The following CACNA2D3 variants were observed in gnomAD, a reference collection of about 807,000 sequenced individuals.
The protein encoded by CACNA2D3 is calcium voltage-gated channel auxiliary subunit alpha2delta 3.
In CACNA2D3, 60 loss-of-function variants were observed where a neutral mutation model predicts 160.6. The ratio of observed to expected loss-of-function variants is 0.37; its 90% CI spans 0.30 to 0.46. CACNA2D3 has a LOEUF of 0.46. CACNA2D3 is among the 20% of genes least tolerant of loss of function. CACNA2D3 has a pLI of 1.00. For synonymous variants in CACNA2D3, 558 were observed against 492.9 expected, an observed-to-expected ratio of 1.13 and a Z score of -1.75; for missense variants, 1,205 against 1,365.0, an observed-to-expected ratio of 0.88 and a Z score of 1.85.
At chr3:54,448,320 G>A (rs567322048) in intron 4 of CACNA2D3, among the ~76,000 whole-genome samples, 11 of 152,298 alleles carry the variant, frequency 7.2e-5, no homozygotes, top group African/African-American at 2.6e-4. Context: ...AAGTAGGTGA[G>A]TACTGGCTGC....
At chr3:54,495,104 G>T (rs1251968879) in intron 4 of CACNA2D3, among the ~76,000 whole-genome samples, 1 of 152,164 alleles carries the variant, frequency 6.6e-6, no homozygotes, top group Non-Finnish European at 1.5e-5. Context: ...TAAGAGAAGG[G>T]GTCCTTCCAA....
At chr3:54,758,089 C>T (rs1164285146) in intron 12 of CACNA2D3, among the ~76,000 whole-genome samples, 1 of 152,170 alleles carries the variant, frequency 6.6e-6, no homozygotes, top group Non-Finnish European at 1.5e-5. Flanking sequence ...CTGGAAATGG[C>T]ACTGCTTCAG....
intron 2 of CACNA2D3, among the ~76,000 whole-genome samples, chr3:54,129,994 A>G (rs921348431): frequency 2.0e-5 from 3 of 152,236 alleles, no homozygotes; most frequent in Non-Finnish European, 4.4e-5. Flanking sequence ...CGCCAGTCCA[A>G]CAGGCATGGA....
At chr3:54,290,409 A>T (rs542953317) in intron 2 of CACNA2D3, among the ~76,000 whole-genome samples, 10 of 152,310 alleles carry the variant, frequency 6.6e-5, no homozygotes, top group African/African-American at 2.2e-4. Flanking sequence ...TCAGGAAACA[A>T]CAGGTGCTGG....
intron 9 of CACNA2D3, among the ~76,000 whole-genome samples, chr3:54,615,886 A>C (rs890506531): frequency 6.6e-6 from 1 of 152,220 alleles, no homozygotes; most frequent in South Asian, 2.1e-4. Context: ...AGCCAGCAGC[A>C]TCATTTGATT....
intron 4 of CACNA2D3, among the ~76,000 whole-genome samples, chr3:54,410,909 A>G (rs1252568358): frequency 6.6e-6 from 1 of 152,224 alleles, no homozygotes; most frequent in African/African-American, 2.4e-5. Context: ...TCTAGATGCC[A>G]CTAAGAATAC....
chr3:54,586,497 A>ATCAAAATACACAGTT (rs1023636208), intron 9 of CACNA2D3, among the ~76,000 whole-genome samples: 3 of 152,204 alleles, frequency 2.0e-5, no homozygotes, highest in African/African-American at 7.2e-5. Context: ...GTGTGTTTGG[A>ATCAAAATACACAGTT]TCAAAATACA....
chr3:54,855,606 G>C (rs976826884), intron 17 of CACNA2D3, among the ~76,000 whole-genome samples: 5 of 152,176 alleles, frequency 3.3e-5, no homozygotes, highest in Non-Finnish European at 7.4e-5. Context: ...GAAGGAGGGA[G>C]AGAGGAAGGA....
rs568596776 is a variant in CACNA2D3, at chr3:54,732,694, C to G, written c.1168-19905C>G. 1.4e-4 allele frequency among the ~76,000 whole-genome samples: 22 copies of G among 152,238 alleles called. 1 individual carries two copies. The highest frequency in any genetic ancestry group is 6.8e-3 in the Middle Eastern group (2 of 294). On this transcript the variant is annotated intron_variant, in intron 11 of 37. Coordinates refer to ENST00000474759, the MANE Select transcript of CACNA2D3 (RefSeq NM_018398.3). ...ATTCTCTCAGTCTGAAGTGATTATT[C>G]AGAGCCTCCTTAGGAAGTCCCACTG... is the stretch of plus-strand genomic sequence containing the variant.
intron 2 of CACNA2D3, among the ~76,000 whole-genome samples, chr3:54,185,786 A>C (rs1700870166): frequency 6.6e-6 from 1 of 152,224 alleles, no homozygotes; most frequent in Non-Finnish European, 1.5e-5. Context: ...TTAGGCTTGC[A>C]GGTCATAGTT....
At chr3:55,017,594 G>A (rs903887493) in intron 34 of CACNA2D3, among the ~76,000 whole-genome samples, 2 of 152,086 alleles carry the variant, frequency 1.3e-5, no homozygotes, top group African/African-American at 2.4e-5. Flanking sequence ...ACCTAGTGAG[G>A]TTTTGGATCT....
chr3:54,708,253 C>G (rs1336358298), intron 11 of CACNA2D3, among the ~76,000 whole-genome samples: 1 of 152,128 alleles, frequency 6.6e-6, no homozygotes, highest in Non-Finnish European at 1.5e-5. Flanking sequence ...TGAGAAGTAG[C>G]TGAGTGGTAT....
chr3:54,453,615 T>A (rs1451622111), intron 4 of CACNA2D3, among the ~76,000 whole-genome samples: 1 of 152,160 alleles, frequency 6.6e-6, no homozygotes, highest in Non-Finnish European at 1.5e-5. Context: ...GTAGTTCAGA[T>A]TTCAGGCAGG....
intron 31 of CACNA2D3, among the ~76,000 whole-genome samples, chr3:54,992,905 C>G (rs974348427): frequency 6.6e-6 from 1 of 152,136 alleles, no homozygotes; most frequent in African/African-American, 2.4e-5. Flanking sequence ...AGGAGACTTA[C>G]AACCATCACG....
intron 9 of CACNA2D3, among the ~76,000 whole-genome samples, chr3:54,591,465 C>T (rs1559520858): frequency 6.6e-6 from 1 of 151,646 alleles, no homozygotes; most frequent in African/African-American, 2.4e-5. Context: ...ATGCTCTGGG[C>T]AACCATGCCA....
intron 4 of CACNA2D3, among the ~76,000 whole-genome samples, chr3:54,474,567 T>C (rs1294515722): frequency 6.6e-6 from 1 of 151,754 alleles, no homozygotes; most frequent in Non-Finnish European, 1.5e-5. Context: ...AAAAAGCATA[T>C]AGTAGACCAC....
chr3:54,842,607 CT>C (rs11404506), intron 16 of CACNA2D3, among the ~76,000 whole-genome samples: 48 of 143,112 alleles, frequency 3.4e-4, no homozygotes, highest in African/African-American at 8.8e-4. Flanking sequence ...TTTTTCTTTT[CT>C]TTTTTTTTTT....
chr3:54,654,004 C>T (rs144877300), intron 11 of CACNA2D3, among the ~76,000 whole-genome samples: 1 of 152,240 alleles, frequency 6.6e-6, no homozygotes, highest in Non-Finnish European at 1.5e-5. Context: ...TAGCCCCACC[C>T]AATGGGGAGC....
intron 11 of CACNA2D3, among the ~76,000 whole-genome samples, chr3:54,664,210 C>A (rs1310729757): frequency 6.6e-6 from 1 of 152,140 alleles, no homozygotes; most frequent in Non-Finnish European, 1.5e-5. Flanking sequence ...AGTAAAGGGA[C>A]CAGTGAGCAT....
Sources: allele counts gnomAD v4.1 joint callset (sites outside exome capture counted in the v4.1 genomes callset), GRCh38; gene constraint gnomAD v4.1.1; transcripts MANE v1.5; gene names NCBI Gene and HGNC (gene_info 2026-07-23, HGNC 2026-07-21).